PTPN14: variants seen among roughly 807,000 people sequenced by gnomAD.
PTPN14 encodes the protein protein tyrosine phosphatase non-receptor type 14, also known as tyrosine-protein phosphatase non-receptor type 14.
PTPN14 carries 53 observed loss-of-function variants against 126.8 expected under a neutral mutation model. The observed-to-expected ratio is 0.42, with a 90% CI of 0.34 to 0.53. The LOEUF (loss-of-function observed/expected upper bound fraction) is 0.53, where lower values mean the gene tolerates loss of function less well. Ranked by LOEUF, PTPN14 falls within the 20% of genes least tolerant of loss-of-function variation. The pLI, the probability that PTPN14 is intolerant of heterozygous loss-of-function variation, is 0.08. For missense variants in PTPN14, 1,257 were observed against 1,552.9 expected (o/e 0.81, Z 3.20); for synonymous variants, 630 against 599.3 (o/e 1.05, Z -0.75).
intron 1 of PTPN14, among the ~76,000 whole-genome samples, chr1:214,512,560 G>A (rs1475528561): frequency 1.3e-5 from 2 of 152,154 alleles, no homozygotes; most frequent in African/African-American, 2.4e-5. Context: ...GGAGAAAATG[G>A]AGAGGTGTTG....
intron 1 of PTPN14, among the ~76,000 whole-genome samples, chr1:214,502,222 G>A (rs866936159): frequency 2.6e-5 from 4 of 152,202 alleles, no homozygotes; most frequent in Non-Finnish European, 5.9e-5. Flanking sequence ...TCTAAGGGGG[G>A]AAGAGGGCTG....
At chr1:214,436,160 G>A (rs975388503) in intron 3 of PTPN14, among the ~76,000 whole-genome samples, 23 of 152,072 alleles carry the variant, frequency 1.5e-4, no homozygotes, top group Admixed American at 8.5e-4. Context: ...ACCAAATACC[G>A]CATGTTCTCA....
intron 15 of PTPN14, among the ~76,000 whole-genome samples, chr1:214,375,875 C>T (rs1216626607): frequency 6.6e-6 from 1 of 152,188 alleles, no homozygotes; most frequent in African/African-American, 2.4e-5. Flanking sequence ...CCTGTAACTT[C>T]CAAAGTCTCC....
intron 1 of PTPN14, among the ~76,000 whole-genome samples, chr1:214,542,407 G>A (rs191500756): frequency 6.6e-5 from 10 of 152,170 alleles, no homozygotes; most frequent in African/African-American, 1.7e-4. Flanking sequence ...ATAATGACGC[G>A]GGGGGGCAGC....
intron 1 of PTPN14, among the ~76,000 whole-genome samples, chr1:214,466,570 C>A (rs6668440): frequency 6.6e-5 from 10 of 152,166 alleles, no homozygotes; most frequent in Non-Finnish European, 8.8e-5. Context: ...TTGCTCCACC[C>A]TGAGCCAGCA....
chr1:214,482,205 A>G (rs180829824), intron 1 of PTPN14, among the ~76,000 whole-genome samples: 1 of 146,878 alleles, frequency 6.8e-6, no homozygotes, highest in East Asian at 2.0e-4. Flanking sequence ...TCCAGTAACA[A>G]CTTTTTTTTT....
intron 3 of PTPN14, among the ~76,000 whole-genome samples, chr1:214,424,021 G>A (rs1659603887): frequency 6.6e-6 from 1 of 150,956 alleles, no homozygotes; most frequent in Non-Finnish European, 1.5e-5. Context: ...GTACTGGCCG[G>A]GCACGGTGGC....
chr1:214,426,217 A>G (rs1659661578), intron 3 of PTPN14, among the ~76,000 whole-genome samples: 1 of 152,110 alleles, frequency 6.6e-6, no homozygotes, highest in African/African-American at 2.4e-5. Flanking sequence ...ACTGCCAGAG[A>G]TAAAATACCA....
intron 1 of PTPN14, among the ~76,000 whole-genome samples, chr1:214,536,161 C>T (rs561806365): frequency 0.038 from 759 of 19,968 alleles, 3 homozygotes; most frequent in African/African-American, 0.13. Flanking sequence ...AGGCCAAGGC[C>T]GGGGTGGGGT....
chr1:214,357,936 A>C lies in PTPN14; in HGVS notation c.3550T>G (p.Ser1184Ala), dbSNP rs1397902221. The C allele has an allele frequency of 6.2e-7, 1 of 1,612,860 alleles. No individual in the cohort carries two copies. The highest frequency in any genetic ancestry group is 8.5e-7 in the Non-Finnish European group (1 of 1,179,378). Residue 1184 changes from serine (S) to alanine (A), a missense_variant, in exon 19 of 19, where the codon TCC (serine) becomes GCC (alanine). By Grantham distance (99) the Ser-to-Ala change is moderately conservative (BLOSUM62 1). This residue lies in a region of PTPN14 where 171 missense variants were observed against 229.8 expected (regional missense o/e 0.74). Transcript: ENST00000366956. ...GATTGGGGTGATTAAATGAGTCTGGAGTTTTGGAGGAACTGGATGAGGACT... is the reference window on the plus strand; with the variant it reads ...GATTGGGGTGATTAAATGAGTCTGGCGTTTTGGAGGAACTGGATGAGGACT... ...YQVLIQFLQN[S>A]RLI is the part of the protein sequence containing the mutation.
intron 1 of PTPN14, among the ~76,000 whole-genome samples, chr1:214,533,966 AC>A (rs754499210): frequency 9.2e-5 from 14 of 152,200 alleles, no homozygotes; most frequent in Non-Finnish European, 1.9e-4. Flanking sequence ...GACTTTCAAA[AC>A]AAGGTAAGAA....
At chr1:214,476,194 T>C (rs1365911396) in intron 1 of PTPN14, among the ~76,000 whole-genome samples, 1 of 152,204 alleles carries the variant, frequency 6.6e-6, no homozygotes, top group Non-Finnish European at 1.5e-5. Flanking sequence ...TATTCTACTG[T>C]ACCACTGTGT....
intron 1 of PTPN14, among the ~76,000 whole-genome samples, chr1:214,513,698 C>T (rs1353290946): frequency 6.6e-6 from 1 of 152,134 alleles, no homozygotes; most frequent in African/African-American, 2.4e-5. Flanking sequence ...AATCCCACAT[C>T]TGCTACTGCT....
intron 1 of PTPN14, among the ~76,000 whole-genome samples, chr1:214,478,900 C>A (rs1660923428): frequency 6.6e-6 from 1 of 151,832 alleles, no homozygotes; most frequent in Admixed American, 6.6e-5. Flanking sequence ...TAACAATAGT[C>A]AATTATTTAT....
chr1:214,378,355 T>G (rs1056728981), intron 13 of PTPN14, among the ~76,000 whole-genome samples: 32 of 152,236 alleles, frequency 2.1e-4, no homozygotes, highest in African/African-American at 7.5e-4. Flanking sequence ...AAAGACTCCC[T>G]ACAAATACAC....
At chr1:214,408,030 C>A (rs552104462) in intron 5 of PTPN14, among the ~76,000 whole-genome samples, 1 of 152,358 alleles carries the variant, frequency 6.6e-6, no homozygotes, top group African/African-American at 2.4e-5. Context: ...TCCTTGCTCC[C>A]TATCTTTTTG....
intron 6 of PTPN14, among the ~76,000 whole-genome samples, chr1:214,402,444 A>AAAAAAAAAAAAAAAAT (rs1659044916): frequency 8.2e-6 from 1 of 121,954 alleles, no homozygotes; most frequent in African/African-American, 2.6e-5. Context: ...TGTCAAAAAA[A>AAAAAAAAAAAAAAAAT]AAAAAAAAAA....
intron 1 of PTPN14, among the ~76,000 whole-genome samples, chr1:214,497,326 A>G (rs1654551768): frequency 6.6e-6 from 1 of 152,230 alleles, no homozygotes. Context: ...AATGTAAATT[A>G]AACATGCACA....
rs532648217 is a variant in PTPN14, at chr1:214,458,015, A to G, written c.175-6041T>C. Reference sequence around the variant, plus strand: ...TTCATCTATATCTATATCTATATCTATATCTATATCTATATCTATACCTAG... The same window carrying G: ...TTCATCTATATCTATATCTATATCTGTATCTATATCTATATCTATACCTAG... On this transcript the variant is annotated intron_variant, in intron 2 of 18. Coordinates refer to ENST00000366956, the MANE Select transcript of PTPN14 (RefSeq NM_005401.5). Among the ~76,000 whole-genome samples, 132 of 148,476 alleles carry G rather than the reference A, an allele frequency of 8.9e-4. 1 individual carries two copies. The highest frequency in any genetic ancestry group is 3.3e-3 in the African/African-American group (127 of 38,314).
Sources: allele counts gnomAD v4.1 joint callset (sites outside exome capture counted in the v4.1 genomes callset), GRCh38; gene constraint gnomAD v4.1.1; regional missense constraint gnomAD v4.1.1; transcripts MANE v1.5; gene names NCBI Gene and HGNC (gene_info 2026-07-23, HGNC 2026-07-21).